CLTCL1: variants seen among roughly 807,000 people sequenced by gnomAD.
CLTCL1 encodes clathrin heavy chain 2.
CLTCL1 carries 159 observed loss-of-function variants against 190.0 expected under a neutral mutation model. The observed-to-expected ratio is 0.84, with a 90% CI of 0.74 to 0.95. The LOEUF is 0.95. CLTCL1 is among the 40% of genes least tolerant of loss of function. CLTCL1 has a pLI of 0.00. For synonymous variants in CLTCL1, 752 were observed against 769.6 expected, an observed-to-expected ratio of 0.98 and a Z score of 0.38; for missense variants, 1,878 against 2,033.4, an observed-to-expected ratio of 0.92 and a Z score of 1.47.
At position 19,196,418 on chromosome 22, in the gene CLTCL1, G is replaced by A. The variant is rs947512112; in HGVS notation, c.4042-3C>T. On this transcript the variant is annotated splice_region_variant and splice_polypyrimidine_tract_variant and intron_variant, in intron 25 of 32. Transcript: ENST00000427926. ...GCCTGCTCTGCAGCCCTCAGCACCT[G>A]GACAAGGAGGTCAGGGTCGGCTTGT... is the stretch of plus-strand genomic sequence containing the variant. The A allele has an allele frequency of 3.7e-6, 6 of 1,614,060 alleles. No individual in the cohort carries two copies. The highest frequency in any genetic ancestry group is 1.3e-5 in the African/African-American group (1 of 75,074).
At chr22:19,229,704 A>G in intron 11 of CLTCL1, 134 bp downstream of exon 11, 2 of 751,658 alleles carry the variant, frequency 2.7e-6, no homozygotes, top group Non-Finnish European at 3.8e-6. Flanking sequence ...GTCATGGAGA[A>G]TGTCCACTGA....
chr22:19,192,664 C>T (rs1480750605), intron 26 of CLTCL1, among the ~76,000 whole-genome samples: 2 of 152,228 alleles, frequency 1.3e-5, no homozygotes, highest in Non-Finnish European at 2.9e-5. Context: ...CCCACTATGG[C>T]TTACTGGCCA....
At chr22:19,238,816 T>C (rs2086160827) in intron 5 of CLTCL1, 1 of 153,882 alleles carries the variant, frequency 6.5e-6, no homozygotes, top group Non-Finnish European at 1.4e-5. Context: ...TGGCAGCCAA[T>C]TGTAAAGGAA....
intron 26 of CLTCL1, among the ~76,000 whole-genome samples, chr22:19,195,032 C>T (rs1327359695): frequency 6.6e-6 from 1 of 152,216 alleles, no homozygotes; most frequent in Admixed American, 6.5e-5. Flanking sequence ...CTCAGCTGTC[C>T]TGCTATTATT....
At chr22:19,272,472 T>G (rs1186618497) in intron 2 of CLTCL1, among the ~76,000 whole-genome samples, 10 of 152,016 alleles carry the variant, frequency 6.6e-5, no homozygotes, top group Admixed American at 2.0e-4. Context: ...TTTCGCTCTT[T>G]TTTGTTTGTT....
intron 3 of CLTCL1, among the ~76,000 whole-genome samples, chr22:19,250,410 C>T (rs1555969529): frequency 6.7e-6 from 1 of 149,658 alleles, no homozygotes; most frequent in Non-Finnish European, 1.5e-5. Context: ...ATGATCATGG[C>T]TCACTGTAAC....
chr22:19,220,688 G>A (rs1471689362), intron 17 of CLTCL1, among the ~76,000 whole-genome samples: 1 of 152,238 alleles, frequency 6.6e-6, no homozygotes, highest in Non-Finnish European at 1.5e-5. Context: ...GCTTGCGGAT[G>A]CAGCGCAGTC....
intron 3 of CLTCL1, among the ~76,000 whole-genome samples, chr22:19,249,480 T>G (rs782560499): frequency 1.3e-5 from 2 of 152,090 alleles, no homozygotes; most frequent in African/African-American, 4.8e-5. Flanking sequence ...AGAAATAACC[T>G]TGAGTAGTTT....
At chr22:19,206,683 C>T (rs1197351112) in intron 22 of CLTCL1, among the ~76,000 whole-genome samples, 1 of 151,956 alleles carries the variant, frequency 6.6e-6, no homozygotes, top group Non-Finnish European at 1.5e-5. Flanking sequence ...ACGATTCTCG[C>T]ACTTCGGCCT....
Position 19,191,439 on chromosome 22 carries a change from T to C in CLTCL1, c.4192-4A>G, listed in dbSNP as rs1555932090. ...AACAGAGCTCGACGTTGGCAACCTG[T>C]GGTGAGCAAAGCTGAGGGTCAGTCC... On this transcript the variant is annotated splice_region_variant and splice_polypyrimidine_tract_variant and intron_variant, in intron 26 of 32. Coordinates refer to ENST00000427926, the MANE Select transcript of CLTCL1 (RefSeq NM_007098.4). 6 of 1,612,928 alleles carry C rather than the reference T, an allele frequency of 3.7e-6. No individual in the cohort carries two copies. In the Admixed American group the frequency reaches 5.0e-5, roughly 13 times the overall value.
At chr22:19,222,118 T>G in intron 15 of CLTCL1, 25 bp from the exon 16 acceptor site, 1 of 1,611,712 alleles carries the variant, frequency 6.2e-7, no homozygotes, top group Non-Finnish European at 8.5e-7. Flanking sequence ...GTCAAGTAAC[T>G]TCAGTGTTGC....
Position 19,276,708 on chromosome 22 carries a change from T to C in CLTCL1, c.43-878A>G, listed in dbSNP as rs550926109. Among the ~76,000 whole-genome samples the C allele has an allele frequency of 2.0e-3, 312 of 152,296 alleles. 2 individuals are homozygous for C. The highest frequency in any genetic ancestry group is 6.1e-3 in the African/African-American group (254 of 41,562). On this transcript the variant is annotated intron_variant, in intron 1 of 32. Transcript: ENST00000427926. ...TTTTTGAGCCGGAGTCTCGCTCTGT[T>C]GCCCAGGCTGGAGTGCAGTGGTGCG...
At chr22:19,291,579 C>A in intron 1 of CLTCL1, 21 bp downstream of exon 1, 1 of 1,366,232 alleles carries the variant, frequency 7.3e-7, no homozygotes, top group Non-Finnish European at 9.6e-7. Flanking sequence ...CAGGGCAGCC[C>A]CCCAGCCCGC....
At chr22:19,229,691 A>G (rs2085858037) in intron 11 of CLTCL1, 147 bp downstream of exon 11, 2 of 658,922 alleles carry the variant, frequency 3.0e-6, no homozygotes, top group Non-Finnish European at 4.4e-6. Flanking sequence ...CCTTTTAAGG[A>G]AAGTCATGGA....
chr22:19,197,757 G>A (rs1257139262), intron 24 of CLTCL1, among the ~76,000 whole-genome samples: 3 of 152,040 alleles, frequency 2.0e-5, no homozygotes, highest in East Asian at 3.9e-4. Flanking sequence ...CCTGCTGACC[G>A]GCCCCTCCTC....
chr22:19,211,778 A>C (rs1337264293), intron 19 of CLTCL1, among the ~76,000 whole-genome samples: 7,181 of 148,810 alleles, frequency 0.048, 227 homozygotes, highest in African/African-American at 0.092. Flanking sequence ...AAAAAAAAAA[A>C]AAAAACAAAA....
chr22:19,234,410 G>A (rs1555960796), intron 7 of CLTCL1, 99 bp downstream of exon 7: 11 of 1,063,084 alleles, frequency 1.0e-5, no homozygotes, highest in Non-Finnish European at 1.5e-5. Context: ...AACACTAATA[G>A]ACTGCAATAT....
intron 11 of CLTCL1, among the ~76,000 whole-genome samples, chr22:19,229,536 C>T (rs2085853330): frequency 6.6e-6 from 1 of 152,024 alleles, no homozygotes; most frequent in African/African-American, 2.4e-5. Flanking sequence ...GTTCTTAATG[C>T]CACTGTATCA....
intron 1 of CLTCL1, among the ~76,000 whole-genome samples, chr22:19,290,269 T>A (rs932671480): frequency 2.6e-5 from 4 of 152,192 alleles, no homozygotes; most frequent in African/African-American, 4.8e-5. Flanking sequence ...GCCATGTAAC[T>A]TTTGCTGAAG....
Sources: allele counts gnomAD v4.1 joint callset (sites outside exome capture counted in the v4.1 genomes callset), GRCh38; gene constraint gnomAD v4.1.1; transcripts MANE v1.5; gene names NCBI Gene and HGNC (gene_info 2026-07-23, HGNC 2026-07-21).